The following MEOX2 variants were observed in gnomAD, a reference collection of about 807,000 sequenced individuals.
The protein encoded by MEOX2 is mesenchyme homeobox 2.
A neutral mutation model predicts 27.0 loss-of-function variants in MEOX2; 11 were observed. The observed-to-expected ratio is 0.41, with a 90% CI of 0.26 to 0.68. MEOX2 has a LOEUF of 0.68. Ranked by LOEUF, MEOX2 falls within the 30% of genes least tolerant of loss-of-function variation. The pLI, the probability that MEOX2 is intolerant of heterozygous loss-of-function variation, is 0.33. For missense variants in MEOX2, 436 were observed against 385.4 expected (o/e 1.13, Z -1.10); for synonymous variants, 189 against 155.4 (o/e 1.22, Z -1.61).
At chr7:15,633,308 A>G (rs1781430514) in intron 1 of MEOX2, among the ~76,000 whole-genome samples, 1 of 152,040 alleles carries the variant, frequency 6.6e-6, no homozygotes, top group South Asian at 2.1e-4. Flanking sequence ...CTCAGCTCTT[A>G]TGTCAGCAAA....
chr7:15,673,582 C>T (rs1178514902), intron 1 of MEOX2, among the ~76,000 whole-genome samples: 1 of 34,464 alleles, frequency 2.9e-5, no homozygotes, highest in Non-Finnish European at 5.6e-5. Context: ...GAGGAATAGA[C>T]ATAAACAAGT....
intron 1 of MEOX2, chr7:15,677,464 G>A (rs1260302330): frequency 6.6e-6 from 1 of 152,206 alleles, no homozygotes; most frequent in Non-Finnish European, 1.5e-5. Flanking sequence ...GACTCTTAGG[G>A]TTGCATCCAC....
chr7:15,652,404 C>A (rs1781745874), intron 1 of MEOX2, among the ~76,000 whole-genome samples: 1 of 151,962 alleles, frequency 6.6e-6, no homozygotes, highest in African/African-American at 2.4e-5. Flanking sequence ...TTTGTAAACA[C>A]CAGTCATATA....
rs61294753 is a variant in MEOX2, at chr7:15,666,751, C to CA, written c.517+19134dup. Among the ~76,000 whole-genome samples the CA allele has an allele frequency of 4.6e-3, 290 of 62,980 alleles. 3 individuals are homozygous for CA. Among genetic ancestry groups the CA allele is most frequent in the Non-Finnish European group, 5.1e-3 (199 of 39,198 alleles). The allele number at this position is 62,980 out of a possible 152,430, so 41.3% of individuals were successfully genotyped here. On this transcript the variant is annotated intron_variant, in intron 1 of 2. Transcript: ENST00000262041. ...TGGGCAACAGAGCAAGACTCTGTCT[C>CA]AAAAAAAAAAAAAAAAAAAAAAAAA... is the stretch of plus-strand genomic sequence containing the variant.
intron 1 of MEOX2, among the ~76,000 whole-genome samples, chr7:15,655,565 TG>T: frequency 6.6e-6 from 1 of 151,898 alleles, no homozygotes; most frequent in Admixed American, 6.6e-5. Flanking sequence ...TTAACAATGT[TG>T]TATTTTCATT....
intron 1 of MEOX2, chr7:15,681,657 GT>G (rs759971050): frequency 3.3e-5 from 5 of 151,606 alleles, no homozygotes; most frequent in Non-Finnish European, 7.4e-5. Context: ...AACGGTCTAT[GT>G]TTTGAAACAC....
intron 1 of MEOX2, among the ~76,000 whole-genome samples, chr7:15,631,901 G>T (rs991280082): frequency 1.9e-4 from 4 of 20,738 alleles, no homozygotes; most frequent in African/African-American, 7.4e-4. Context: ...TTAAGCCAAG[G>T]TTAAATGTGT....
chr7:15,620,466 G>A lies in MEOX2; in HGVS notation c.690+6280C>T, dbSNP rs190337302. On this transcript the variant is annotated intron_variant, in intron 2 of 2. Coordinates refer to ENST00000262041, the MANE Select transcript of MEOX2 (RefSeq NM_005924.5). ...TCCTGTAGTCCCAACTACTCTACTC[G>A]GGAGGCTGAGGCAGGAGAATGGCCT... 1.4e-4 allele frequency among the ~76,000 whole-genome samples: 21 copies of A among 152,190 alleles called. No homozygotes were observed. The East Asian group carries it at 3.9e-3, about 28-fold the overall frequency.
At chr7:15,617,754 C>A (rs1292877329) in intron 2 of MEOX2, among the ~76,000 whole-genome samples, 2 of 152,104 alleles carry the variant, frequency 1.3e-5, no homozygotes, top group African/African-American at 4.8e-5. Context: ...CCTTTATCCA[C>A]TGATTTAGCA....
chr7:15,670,354 G>C (rs546417952), intron 1 of MEOX2, among the ~76,000 whole-genome samples: 1 of 152,166 alleles, frequency 6.6e-6, no homozygotes, highest in Non-Finnish European at 1.5e-5. Context: ...TTCACCTTCA[G>C]ATATGCTTCA....
intron 1 of MEOX2, among the ~76,000 whole-genome samples, chr7:15,634,570 G>A (rs980482431): frequency 2.0e-5 from 3 of 151,930 alleles, no homozygotes; most frequent in Non-Finnish European, 2.9e-5. Context: ...ATCCTAAATT[G>A]CCAATGTACT....
At chr7:15,632,009 G>C (rs1457525956) in intron 1 of MEOX2, among the ~76,000 whole-genome samples, 1 of 150,212 alleles carries the variant, frequency 6.7e-6, no homozygotes, top group African/African-American at 2.4e-5. Flanking sequence ...ACTTAGCATG[G>C]ATATGGATTT....
chr7:15,680,061 G>A (rs1039952929), intron 1 of MEOX2: 18 of 151,296 alleles, frequency 1.2e-4, no homozygotes, highest in East Asian at 1.9e-4. Context: ...TTATTATTCC[G>A]GAAATTATAT....
rs999435680 is a variant in MEOX2 at position 15,627,422 on chromosome 7, G to A, written c.518-504C>T. On this transcript the variant is annotated intron_variant, in intron 1 of 2. Transcript: ENST00000262041. ...ATGTAAAAGTATGTGTGTACTTATT[G>A]GCTTTTTTATCTGTATTTAAGTAAA... Among the ~76,000 whole-genome samples, 14 of 152,074 alleles carry A rather than the reference G, an allele frequency of 9.2e-5. No homozygotes were observed. In the East Asian group the frequency reaches 2.5e-3, roughly 27 times the overall value.
chr7:15,629,148 T>C (rs1329446586), intron 1 of MEOX2, among the ~76,000 whole-genome samples: 1 of 152,108 alleles, frequency 6.6e-6, no homozygotes, highest in Non-Finnish European at 1.5e-5. Context: ...CAAATTCAAA[T>C]TCAGGAAAGG....
At chr7:15,638,870 C>T (rs55774621) in intron 1 of MEOX2, among the ~76,000 whole-genome samples, 56,080 of 151,844 alleles carry the variant, frequency 0.37, 10,905 homozygotes, top group East Asian at 0.46. Context: ...AATTTCTTTA[C>T]GCGATCAACT....
At position 15,615,361 on chromosome 7, in the gene MEOX2, TTG is replaced by T. The variant is rs1347917228; in HGVS notation, c.691-2752_691-2751del. ...TGATTCCAGATTCTGGGTTTTGTTT[TTG>T]GTTTTTTTGTTTGTTTGTTTTGGTT... On this transcript the variant is annotated intron_variant, in intron 2 of 2. Coordinates refer to ENST00000262041, the MANE Select transcript of MEOX2 (RefSeq NM_005924.5). Among the ~76,000 whole-genome samples the T allele has an allele frequency of 3.9e-5, 6 of 152,066 alleles. No individual in the cohort carries two copies. In the East Asian group the frequency reaches 7.8e-4, roughly 20 times the overall value.
At chr7:15,661,197 A>C (rs915182291) in intron 1 of MEOX2, among the ~76,000 whole-genome samples, 3 of 152,048 alleles carry the variant, frequency 2.0e-5, no homozygotes, top group African/African-American at 4.8e-5. Flanking sequence ...ATAACTAAAA[A>C]CATAAATAGC....
Position 15,626,735 on chromosome 7 carries a change from C to A in MEOX2, c.690+11G>T, listed in dbSNP as rs900099787. 2.8e-5 allele frequency: 45 copies of A among 1,595,056 alleles called. No homozygotes were observed. The highest frequency in any genetic ancestry group is 3.4e-5 in the Non-Finnish European group (40 of 1,166,718). On this transcript the variant is annotated intron_variant, in intron 2 of 2. Coordinates refer to ENST00000262041, the MANE Select transcript of MEOX2 (RefSeq NM_005924.5). ...TAAAAAAGATCATATAATGATAATG[C>A]CCAGCTTTACCTGTCTTTCAGTGAG...
Sources: gnomAD v4.1 joint callset for allele counts (sites outside exome capture counted in the v4.1 genomes callset) on GRCh38, gnomAD v4.1.1 for gene constraint, MANE v1.5 for transcripts, NCBI Gene and HGNC (gene_info 2026-07-23, HGNC 2026-07-21) for gene names.